Variants in INPP4B observed in about 807,000 individuals in gnomAD.
The protein encoded by INPP4B is inositol polyphosphate-4-phosphatase type II B, also known as inositol polyphosphate 4-phosphatase type II.
INPP4B carries 55 observed loss-of-function variants against 122.5 expected under a neutral mutation model. The observed-to-expected ratio is 0.45, with a 90% CI of 0.36 to 0.56. The LOEUF is 0.56. Ranked by LOEUF, INPP4B falls within the 20% of genes least tolerant of loss-of-function variation. The pLI, the probability that INPP4B is intolerant of heterozygous loss-of-function variation, is 0.00. For missense variants in INPP4B, 1,000 were observed against 1,097.7 expected, an observed-to-expected ratio of 0.91 and a Z score of 1.26; for synonymous variants, 403 against 388.7, an observed-to-expected ratio of 1.04 and a Z score of -0.43.
At chr4:142,429,278 T>C in intron 4 of INPP4B, 61 bp from the exon 5 acceptor site, 1 of 809,260 alleles carries the variant, frequency 1.2e-6, no homozygotes, top group Non-Finnish European at 2.0e-6. Context: ...AATATGTCAA[T>C]ATATATTACT....
At chr4:142,090,610 CAA>C (rs1436295484) in intron 23 of INPP4B, among the ~76,000 whole-genome samples, 1 of 151,990 alleles carries the variant, frequency 6.6e-6, no homozygotes, top group Non-Finnish European at 1.5e-5. Context: ...TAAATATAGC[CAA>C]AGAGTCTTGC....
chr4:142,115,275 G>C (rs1792516563), intron 21 of INPP4B, among the ~76,000 whole-genome samples: 1 of 152,132 alleles, frequency 6.6e-6, no homozygotes, highest in Non-Finnish European at 1.5e-5. Flanking sequence ...AATCTAGCAA[G>C]GCAGGCCAAC....
chr4:142,389,344 A>T (rs1796970952), intron 7 of INPP4B, among the ~76,000 whole-genome samples: 2 of 152,090 alleles, frequency 1.3e-5, no homozygotes, highest in Non-Finnish European at 2.9e-5. Flanking sequence ...TATATGTGTC[A>T]TGTGTATAAT....
chr4:142,036,809 G>A (rs1480526301), intron 25 of INPP4B, among the ~76,000 whole-genome samples: 1 of 152,122 alleles, frequency 6.6e-6, no homozygotes, highest in Admixed American at 6.5e-5. Context: ...TGGCCTAGGA[G>A]GCTGCTTCAG....
At chr4:142,223,664 A>G (rs2149736498) in intron 12 of INPP4B, among the ~76,000 whole-genome samples, 1 of 152,314 alleles carries the variant, frequency 6.6e-6, no homozygotes, top group East Asian at 1.9e-4. Context: ...TTAATGACAC[A>G]CAGCATCTGC....
At chr4:142,402,914 A>G (rs1163057517) in intron 7 of INPP4B, 24 bp downstream of exon 7, 2 of 1,165,310 alleles carry the variant, frequency 1.7e-6, no homozygotes, top group Middle Eastern at 1.9e-4. Flanking sequence ...TTTCCCAAAG[A>G]AAGAAAGAAG....
At chr4:142,110,471 A>G (rs190446868) in intron 22 of INPP4B, among the ~76,000 whole-genome samples, 1 of 152,322 alleles carries the variant, frequency 6.6e-6, no homozygotes. Flanking sequence ...GAATTTGAGT[A>G]AACAGTAGTG....
intron 2 of INPP4B, among the ~76,000 whole-genome samples, chr4:142,724,702 G>A (rs987672763): frequency 6.6e-6 from 1 of 151,978 alleles, no homozygotes; most frequent in African/African-American, 2.4e-5. Context: ...TTTTCTCAAG[G>A]GGTTTATACC....
intron 25 of INPP4B, among the ~76,000 whole-genome samples, chr4:142,045,894 A>G (rs1751092135): frequency 6.6e-6 from 1 of 152,074 alleles, no homozygotes; most frequent in Non-Finnish European, 1.5e-5. Flanking sequence ...GCAAACAAAT[A>G]TACATTTTAT....
chr4:142,131,270 T>C (rs1002582417), intron 18 of INPP4B, among the ~76,000 whole-genome samples: 1 of 152,186 alleles, frequency 6.6e-6, no homozygotes, highest in Admixed American at 6.5e-5. Flanking sequence ...TGAGCTCCTG[T>C]CATTTAAATA....
intron 2 of INPP4B, among the ~76,000 whole-genome samples, chr4:142,616,325 G>C (rs1743695616): frequency 6.6e-6 from 1 of 152,094 alleles, no homozygotes; most frequent in South Asian, 2.1e-4. Context: ...TTGGAAATAA[G>C]CTTTCTTAGA....
intron 2 of INPP4B, among the ~76,000 whole-genome samples, chr4:142,632,889 A>G (rs1046950923): frequency 3.4e-5 from 5 of 148,944 alleles, no homozygotes; most frequent in Admixed American, 2.7e-4. Flanking sequence ...AAGGAAAGAC[A>G]GAAGGATCAC....
chr4:142,739,624 C>T (rs956803834), intron 1 of INPP4B, among the ~76,000 whole-genome samples: 9 of 151,832 alleles, frequency 5.9e-5, no homozygotes, highest in African/African-American at 1.2e-4. Flanking sequence ...AAGCACCCCA[C>T]GCATCCCACA....
chr4:142,808,370 A>G (rs1228404456), intron 1 of INPP4B, among the ~76,000 whole-genome samples: 1 of 152,186 alleles, frequency 6.6e-6, no homozygotes, highest in East Asian at 1.9e-4. Context: ...TACATAAGAA[A>G]ATGACAGAGA....
At chr4:142,797,926 A>G (rs986857262) in intron 1 of INPP4B, among the ~76,000 whole-genome samples, 2 of 151,986 alleles carry the variant, frequency 1.3e-5, no homozygotes, top group Non-Finnish European at 2.9e-5. Flanking sequence ...AGAAAGGGAA[A>G]GACACAAGAA....
intron 16 of INPP4B, 117 bp from the exon 17 acceptor site, chr4:142,160,678 C>T (rs1819672939): frequency 1.6e-6 from 1 of 644,854 alleles, no homozygotes; most frequent in Admixed American, 2.9e-5. Flanking sequence ...GGAAAAAGTA[C>T]AGACGCCAAG....
At chr4:142,564,445 A>G (rs1382704923) in intron 2 of INPP4B, among the ~76,000 whole-genome samples, 6 of 87,584 alleles carry the variant, frequency 6.9e-5, no homozygotes, top group Non-Finnish European at 1.1e-4. Flanking sequence ...ATGGCAAAAA[A>G]AAAAAAAAAG....
chr4:142,023,513 G>A lies in INPP4B; in HGVS notation c.*5269C>T, dbSNP rs1276101433. The A allele has an allele frequency of 6.6e-6, 1 of 152,092 alleles. No homozygotes were observed. The highest frequency in any genetic ancestry group is 1.9e-4 in the East Asian group (1 of 5,196). 9.4% of individuals were successfully genotyped at this position (152,092 alleles called of 1,614,324 possible). A position where few individuals can be genotyped will look rare whatever the true frequency, so the allele number is the denominator to read the frequency against. ...TACAGTTATATGCAAACTTTTGAAA[G>A]TTTCATAGTTGTTTAACAAAATATT... On this transcript the variant is annotated 3_prime_UTR_variant, in exon 26 of 26. Coordinates refer to ENST00000262992, the MANE Select transcript of INPP4B (RefSeq NM_001101669.3).
chr4:142,537,429 T>TATATATATAG (rs1200701380), intron 2 of INPP4B, among the ~76,000 whole-genome samples: 66 of 25,478 alleles, frequency 2.6e-3, no homozygotes, highest in Non-Finnish European at 3.9e-3. Context: ...TATATATATA[T>TATATATATAG]AGAGAGAGAG....
Sources: gnomAD v4.1 joint callset for allele counts (sites outside exome capture counted in the v4.1 genomes callset) on GRCh38, gnomAD v4.1.1 for gene constraint, MANE v1.5 for transcripts, NCBI Gene and HGNC (gene_info 2026-07-23, HGNC 2026-07-21) for gene names.